Variants in IKZF1 observed in about 807,000 individuals in gnomAD.
IKZF1 encodes DNA-binding protein Ikaros.
IKZF1 carries 10 observed loss-of-function variants against 51.7 expected under a neutral mutation model. The ratio of observed to expected loss-of-function variants is 0.19; its 90% CI spans 0.12 to 0.33. The LOEUF (loss-of-function observed/expected upper bound fraction) is 0.33. Ranked by LOEUF, IKZF1 falls within the 10% of genes least tolerant of loss-of-function variation. The pLI is 1.00. For synonymous variants in IKZF1, 280 were observed against 282.3 expected, an observed-to-expected ratio of 0.99 and a Z score of 0.08; for missense variants, 484 against 707.5, an observed-to-expected ratio of 0.68 and a Z score of 3.58.
chr7:50,355,646 T>TAAATAAATA (rs1803135132), intron 3 of IKZF1, among the ~76,000 whole-genome samples: 1 of 150,394 alleles, frequency 6.6e-6, no homozygotes, highest in Non-Finnish European at 1.5e-5. Context: ...AATAAATAAA[T>TAAATAAATA]AAATAAATGG....
chr7:50,308,287 C>T (rs1346611338), intron 1 of IKZF1, among the ~76,000 whole-genome samples: 1 of 152,184 alleles, frequency 6.6e-6, no homozygotes, highest in Non-Finnish European at 1.5e-5. Flanking sequence ...GGAAGAGCAA[C>T]TGAGGCCTAA....
At chr7:50,317,634 A>G (rs768500472) in intron 1 of IKZF1, among the ~76,000 whole-genome samples, 7 of 152,166 alleles carry the variant, frequency 4.6e-5, no homozygotes, top group Non-Finnish European at 7.4e-5. Context: ...TTGAAAATTC[A>G]TGTCACTTTT....
At position 50,376,916 on chromosome 7, in the gene IKZF1, T is replaced by G; in HGVS notation, c.421+123T>G. 1 of 1,462,348 alleles carries G rather than the reference T, an allele frequency of 6.8e-7. No individual in the cohort carries two copies. Among genetic ancestry groups the G allele is most frequent in the Non-Finnish European group, 9.1e-7 (1 of 1,100,226 alleles). 90.6% of individuals were successfully genotyped at this position (1,462,348 alleles called of 1,614,324 possible). ...TCTAATTGACTGGTAGCTCAGTTGT[T>G]GCAAGCGATTGGTTCCAAGTGGTAC... is the stretch of plus-strand genomic sequence containing the variant. On this transcript the variant is annotated intron_variant, in intron 4 of 7. Coordinates refer to ENST00000331340, the MANE Select transcript of IKZF1 (RefSeq NM_006060.6). The surrounding 1 kb of genome is among the most constrained non-coding windows in gnomAD (Gnocchi z 4.5).
At chr7:50,375,025 T>G (rs911144795) in intron 3 of IKZF1, among the ~76,000 whole-genome samples, 1 of 151,766 alleles carries the variant, frequency 6.6e-6, no homozygotes, top group African/African-American at 2.4e-5. Flanking sequence ...CCTGCAACTC[T>G]GGGTTGAGCC....
In IKZF1 at chr7:50,400,661, C is replaced by T. The variant is rs1267763952; in HGVS notation, c.*34C>T. On this transcript the variant is annotated 3_prime_UTR_variant, in exon 8 of 8. Coordinates refer to ENST00000331340, the MANE Select transcript of IKZF1 (RefSeq NM_006060.6). The surrounding 1 kb of genome is among the most constrained non-coding windows in gnomAD (Gnocchi z 5.4). ...CGCGCCCCCACCCCAGACCCCGAGC[C>T]ACCCCAGGAAAAGCACAAGGACTGC... 1.9e-6 allele frequency: 3 copies of T among 1,573,402 alleles called. No individual in the cohort carries two copies. The South Asian group carries it at 3.4e-5, about 18-fold the overall frequency.
chr7:50,315,754 C>T (rs1008384307), intron 1 of IKZF1, among the ~76,000 whole-genome samples: 1 of 152,182 alleles, frequency 6.6e-6, no homozygotes, highest in African/African-American at 2.4e-5. Flanking sequence ...TGAAAACATG[C>T]CATTAGCTTG....
At chr7:50,318,180 T>C (rs955074926) in intron 1 of IKZF1, among the ~76,000 whole-genome samples, 1 of 152,206 alleles carries the variant, frequency 6.6e-6, no homozygotes, top group African/African-American at 2.4e-5. Flanking sequence ...GAACACCTTT[T>C]TGTTTCTACT....
At chr7:50,384,470 C>T (rs1011190377) in intron 5 of IKZF1, among the ~76,000 whole-genome samples, 4 of 152,222 alleles carry the variant, frequency 2.6e-5, no homozygotes, top group Admixed American at 6.5e-5. Flanking sequence ...GTTGCTTGCC[C>T]GAGAGGGCGG....
intron 1 of IKZF1, among the ~76,000 whole-genome samples, chr7:50,307,554 A>G (rs1386433847): frequency 6.6e-6 from 1 of 152,232 alleles, no homozygotes; most frequent in Non-Finnish European, 1.5e-5. Flanking sequence ...TATGTTCATA[A>G]CTACAGAGAC....
At chr7:50,304,143 C>A (rs1486124394), upstream of IKZF1, 2 of 148,166 alleles carry the variant, frequency 1.3e-5, no homozygotes, top group African/African-American at 2.5e-5. Context: ...GCCGCCCCGG[C>A]GGCCTTTGGG....
chr7:50,388,327 C>A (rs78151559), intron 6 of IKZF1, among the ~76,000 whole-genome samples: 9,512 of 152,290 alleles, frequency 0.062, 360 homozygotes, highest in South Asian at 0.14. Flanking sequence ...TTTATTAAGC[C>A]TCATTCACCT....
chr7:50,344,808 A>G (rs1799952718), intron 3 of IKZF1, among the ~76,000 whole-genome samples: 1 of 152,142 alleles, frequency 6.6e-6, no homozygotes, highest in Admixed American at 6.5e-5. Context: ...GAAATAGAAA[A>G]TCATCTTAGT....
At chr7:50,324,823 A>G (rs1482775256) in intron 2 of IKZF1, among the ~76,000 whole-genome samples, 1 of 152,226 alleles carries the variant, frequency 6.6e-6, no homozygotes, top group Non-Finnish European at 1.5e-5. Flanking sequence ...AGCGGAAAGT[A>G]CGACATTTCT....
chr7:50,352,026 A>G (rs1198087903), intron 3 of IKZF1, among the ~76,000 whole-genome samples: 3 of 152,224 alleles, frequency 2.0e-5, no homozygotes, highest in Non-Finnish European at 2.9e-5. Context: ...AGAAGATTGT[A>G]TTATCAGTTT....
Position 50,376,465 on chromosome 7 carries a change from G to C in IKZF1, c.161-68G>C. On this transcript the variant is annotated intron_variant, in intron 3 of 7. Transcript: ENST00000331340. The surrounding 1 kb of genome is among the most constrained non-coding windows in gnomAD (Gnocchi z 4.5). The stretch of plus-strand genomic sequence containing the variant: ...ACACCTATTTGATTGTCTTTTTGCT[G>C]CTGTGTTGTTTTGTTGAGTTTTTTT... The C allele has an allele frequency of 6.3e-7, 1 of 1,580,660 alleles. No individual in the cohort carries two copies. Among genetic ancestry groups the C allele is most frequent in the South Asian group, 1.2e-5 (1 of 85,478 alleles).
rs1359337036 is a variant in IKZF1, at chr7:50,322,350, C to G, written c.40+3249C>G. Among the ~76,000 whole-genome samples, 5 of 152,288 alleles carry G rather than the reference C, an allele frequency of 3.3e-5. No homozygotes were observed. In the South Asian group the frequency reaches 8.3e-4, roughly 25 times the overall value. On this transcript the variant is annotated intron_variant, in intron 2 of 7. Transcript: ENST00000331340. The stretch of plus-strand genomic sequence containing the variant: ...GTATCAGCAATTTCATAGGATTCAA[C>G]CTAATGTATGCGAAATGCTAGATAA...
At chr7:50,322,269 G>C (rs979245966) in intron 2 of IKZF1, among the ~76,000 whole-genome samples, 2 of 152,084 alleles carry the variant, frequency 1.3e-5, no homozygotes, top group Admixed American at 1.3e-4. Context: ...TAGATTATAA[G>C]AAATCTTAAC....
Position 50,388,070 on chromosome 7 carries a change from C to T in IKZF1, c.715+600C>T, listed in dbSNP as rs557857217. On this transcript the variant is annotated intron_variant, in intron 6 of 7. Coordinates refer to ENST00000331340, the MANE Select transcript of IKZF1 (RefSeq NM_006060.6). ...TGTGATGCTCCACTGTATTGCATAACGAGATAGCACTTGATTCAGACCCCA... is the reference window on the plus strand; with the variant it reads ...TGTGATGCTCCACTGTATTGCATAATGAGATAGCACTTGATTCAGACCCCA... Among the ~76,000 whole-genome samples, 7 of 152,112 alleles carry T rather than the reference C, an allele frequency of 4.6e-5. 1 individual carries two copies. Among genetic ancestry groups the T allele is most frequent in the South Asian group, 4.2e-4 (2 of 4,812 alleles).
rs564755909 is a variant in IKZF1, at chr7:50,403,799, C to T, written c.*3172C>T. On this transcript the variant is annotated 3_prime_UTR_variant, in exon 8 of 8. Coordinates refer to ENST00000331340, the MANE Select transcript of IKZF1 (RefSeq NM_006060.6). ...GTAGTTTTGTTATATGGTTCCCCACCGACCATTTTTGTGCTTTTTTCTTGT... is the reference window on the plus strand; with the variant it reads ...GTAGTTTTGTTATATGGTTCCCCACTGACCATTTTTGTGCTTTTTTCTTGT... The T allele has an allele frequency of 2.3e-4, 52 of 226,150 alleles. 1 individual carries two copies. Among genetic ancestry groups the T allele is most frequent in the Admixed American group, 2.3e-3 (40 of 17,534 alleles). 14.0% of individuals were successfully genotyped at this position (226,150 alleles called of 1,614,324 possible). A position where few individuals can be genotyped will look rare whatever the true frequency, so the allele number is the denominator to read the frequency against.
Sources: allele counts gnomAD v4.1 joint callset (sites outside exome capture counted in the v4.1 genomes callset), GRCh38; gene constraint gnomAD v4.1.1; non-coding constraint Gnocchi (gnomAD v3.1); transcripts MANE v1.5; gene names NCBI Gene and HGNC (gene_info 2026-07-23, HGNC 2026-07-21).